The following MAGI1 variants were observed in gnomAD, a reference collection of about 807,000 sequenced individuals.
MAGI1 encodes membrane associated guanylate kinase, WW and PDZ domain containing 1.
MAGI1 carries 58 observed loss-of-function variants against 139.9 expected under a neutral mutation model. That is an observed-to-expected ratio of 0.41 (90% CI 0.34 to 0.52). The LOEUF is 0.52. MAGI1 is among the 20% of genes least tolerant of loss of function. The pLI is 0.12. For missense variants in MAGI1, 1,874 were observed against 1,901.6 expected, an observed-to-expected ratio of 0.99 and a Z score of 0.27; for synonymous variants, 812 against 737.9, an observed-to-expected ratio of 1.10 and a Z score of -1.63.
intron 19 of MAGI1, 60 bp from the exon 20 acceptor site, chr3:65,364,785 A>G (rs544363863): frequency 3.1e-6 from 5 of 1,607,290 alleles, no homozygotes; most frequent in Non-Finnish European, 4.3e-6. Flanking sequence ...GAAAGAATCA[A>G]GGACATATAT....
At chr3:65,877,236 A>T (rs890339709) in intron 1 of MAGI1, among the ~76,000 whole-genome samples, 2 of 152,306 alleles carry the variant, frequency 1.3e-5, no homozygotes, top group Middle Eastern at 6.8e-3. Context: ...ATACAAATTA[A>T]GTAGTTTTTG....
chr3:65,657,506 A>T (rs1398193805), intron 1 of MAGI1, among the ~76,000 whole-genome samples: 1 of 151,960 alleles, frequency 6.6e-6, no homozygotes, highest in African/African-American at 2.4e-5. Context: ...TATTCTGTGC[A>T]CACAACAGAG....
intron 1 of MAGI1, among the ~76,000 whole-genome samples, chr3:65,999,321 G>A (rs1056872509): frequency 1.3e-5 from 2 of 152,098 alleles, no homozygotes; most frequent in Admixed American, 1.3e-4. Context: ...GGAAAGACAG[G>A]CAGAAATGAG....
At chr3:65,404,849 C>T (rs1945203579) in intron 12 of MAGI1, among the ~76,000 whole-genome samples, 2 of 152,182 alleles carry the variant, frequency 1.3e-5, no homozygotes, top group African/African-American at 2.4e-5. Context: ...GCAACATCAT[C>T]CCATACTTCA....
At chr3:65,762,100 G>C (rs2037079257) in intron 1 of MAGI1, among the ~76,000 whole-genome samples, 1 of 151,962 alleles carries the variant, frequency 6.6e-6, no homozygotes, top group Non-Finnish European at 1.5e-5. Context: ...CACTATCCAG[G>C]GCTCACAATA....
At chr3:65,927,407 C>G (rs145699553) in intron 1 of MAGI1, among the ~76,000 whole-genome samples, 52 of 152,294 alleles carry the variant, frequency 3.4e-4, no homozygotes, top group African/African-American at 1.1e-3. Context: ...CTGAATGTGA[C>G]CTGCAAAGGG....
At chr3:65,691,126 C>T (rs929133973) in intron 1 of MAGI1, among the ~76,000 whole-genome samples, 4 of 151,682 alleles carry the variant, frequency 2.6e-5, no homozygotes, top group African/African-American at 7.3e-5. Flanking sequence ...CACGGGGAAA[C>T]CCCGTCTCTA....
At chr3:66,032,558 G>C (rs936707214) in intron 1 of MAGI1, among the ~76,000 whole-genome samples, 3 of 151,634 alleles carry the variant, frequency 2.0e-5, no homozygotes, top group Non-Finnish European at 1.5e-5. Flanking sequence ...ATACAGCAGT[G>C]AACAAGAGAG....
intron 2 of MAGI1, among the ~76,000 whole-genome samples, chr3:65,615,909 C>T (rs567579121): frequency 1.2e-4 from 18 of 152,296 alleles, no homozygotes; most frequent in Middle Eastern, 3.4e-3. Context: ...GACACAGTAA[C>T]GCCCTTGACA....
intron 2 of MAGI1, among the ~76,000 whole-genome samples, chr3:65,529,192 A>G (rs1379029221): frequency 6.6e-6 from 1 of 152,146 alleles, no homozygotes; most frequent in Non-Finnish European, 1.5e-5. Context: ...TTGAGTAGAT[A>G]CTTTTCACAT....
intron 2 of MAGI1, among the ~76,000 whole-genome samples, chr3:65,500,823 C>T (rs903517588): frequency 6.6e-6 from 1 of 152,200 alleles, no homozygotes; most frequent in Non-Finnish European, 1.5e-5. Context: ...TAATCAGGGT[C>T]CTGCTTGTCA....
Position 65,480,743 on chromosome 3 carries a change from G to A in MAGI1, c.551-1945C>T, listed in dbSNP as rs199498363. On this transcript the variant is annotated intron_variant, in intron 3 of 22. Transcript: ENST00000402939. ...TGGAACTATAGGCATGCACCACCAC[G>A]CCTGGCTAACTTTTTTGTATTTTTA... is the stretch of plus-strand genomic sequence containing the variant. 1.3e-4 allele frequency among the ~76,000 whole-genome samples: 19 copies of A among 151,750 alleles called. No individual in the cohort carries two copies. In the East Asian group the frequency reaches 3.0e-3, roughly 24 times the overall value.
intron 1 of MAGI1, among the ~76,000 whole-genome samples, chr3:65,744,194 T>C (rs2035503595): frequency 6.6e-6 from 1 of 152,230 alleles, no homozygotes; most frequent in Non-Finnish European, 1.5e-5. Flanking sequence ...AGGTTTCTTC[T>C]AGCTAGTTTT....
intron 1 of MAGI1, among the ~76,000 whole-genome samples, chr3:65,797,747 A>G (rs1420695970): frequency 6.6e-6 from 1 of 152,170 alleles, no homozygotes; most frequent in Admixed American, 6.5e-5. Flanking sequence ...TAGTTTCTAT[A>G]AATACTAATA....
intron 2 of MAGI1, among the ~76,000 whole-genome samples, chr3:65,589,591 G>C (rs903962269): frequency 6.6e-6 from 1 of 152,036 alleles, no homozygotes; most frequent in Non-Finnish European, 1.5e-5. Context: ...CTAAATCAAG[G>C]GTTGGGAAAT....
rs371747597 is a variant in MAGI1, at chr3:65,935,235, G to A, written c.313+102761C>T. ...ACACATGTTTTCAGGCCAAAAGCTG[G>A]AGAACAAGGTGAGTTTAAAGAACTG... On this transcript the variant is annotated intron_variant, in intron 1 of 22. Transcript: ENST00000402939. Among the ~76,000 whole-genome samples the A allele has an allele frequency of 3.9e-5, 6 of 152,282 alleles. No homozygotes were observed. In the East Asian group the frequency reaches 7.7e-4, roughly 20 times the overall value.
At chr3:65,711,595 G>A (rs1017701470) in intron 1 of MAGI1, among the ~76,000 whole-genome samples, 1 of 152,126 alleles carries the variant, frequency 6.6e-6, no homozygotes, top group African/African-American at 2.4e-5. Flanking sequence ...ATTTACATAG[G>A]CCCTTTAAAG....
chr3:65,601,179 A>G (rs544728536), intron 2 of MAGI1, among the ~76,000 whole-genome samples: 3 of 152,344 alleles, frequency 2.0e-5, no homozygotes, highest in African/African-American at 7.2e-5. Context: ...ACAAATATTT[A>G]TTGAGCACAT....
intron 1 of MAGI1, among the ~76,000 whole-genome samples, chr3:65,971,889 G>A (rs2065028846): frequency 6.6e-6 from 1 of 152,164 alleles, no homozygotes; most frequent in South Asian, 2.1e-4. Flanking sequence ...CACCCCAAGA[G>A]CTCAATGGAG....
Sources: allele counts gnomAD v4.1 joint callset (sites outside exome capture counted in the v4.1 genomes callset), GRCh38; gene constraint gnomAD v4.1.1; transcripts MANE v1.5; gene names NCBI Gene and HGNC (gene_info 2026-07-23, HGNC 2026-07-21).